The following CREBBP variants were observed in gnomAD, a reference collection of about 807,000 sequenced individuals.
CREBBP encodes the protein CREB-binding protein.
Under a neutral mutation model 265.0 loss-of-function variants are expected in CREBBP, and 19 were observed. That is an observed-to-expected ratio of 0.07 (90% confidence interval 0.05 to 0.11). The LOEUF is 0.11. Ranked by LOEUF, CREBBP falls within the 10% of genes least tolerant of loss-of-function variation. The pLI is 1.00. For missense variants in CREBBP, 2,525 were observed against 3,219.0 expected, an observed-to-expected ratio of 0.78 and a Z score of 5.22; for synonymous variants, 1,457 against 1,223.7, an observed-to-expected ratio of 1.19 and a Z score of -3.98.
chr16:3,784,837 C>T (rs1489968118), intron 5 of CREBBP, among the ~76,000 whole-genome samples: 2 of 152,232 alleles, frequency 1.3e-5, no homozygotes, highest in Non-Finnish European at 2.9e-5. Context: ...GCAGCCAACG[C>T]CTCATACTCA....
intron 2 of CREBBP, chr16:3,840,696 T>A (rs2054548911): frequency 6.3e-6 from 1 of 159,890 alleles, no homozygotes; most frequent in Non-Finnish European, 1.4e-5. Flanking sequence ...TCTTCCCCTC[T>A]ACCAGAAGGC....
At chr16:3,737,241 C>A (rs1323937250) in intron 26 of CREBBP, among the ~76,000 whole-genome samples, 1 of 136,836 alleles carries the variant, frequency 7.3e-6, no homozygotes, top group Non-Finnish European at 1.5e-5. Context: ...TGCCCCTATC[C>A]TTTTCAAGTT....
At chr16:3,776,844 C>G (rs1181390613) in intron 11 of CREBBP, among the ~76,000 whole-genome samples, 2 of 151,546 alleles carry the variant, frequency 1.3e-5, no homozygotes, top group Admixed American at 6.6e-5. Context: ...AACCCCATCT[C>G]TACTAAAAAA....
At chr16:3,844,004 C>T (rs964970002) in intron 2 of CREBBP, among the ~76,000 whole-genome samples, 2 of 150,078 alleles carry the variant, frequency 1.3e-5, no homozygotes, top group African/African-American at 2.4e-5. Flanking sequence ...AAAAATTAGC[C>T]GGGCGTAGTG....
At chr16:3,758,765 A>G in intron 17 of CREBBP, 89 bp downstream of exon 17, 1 of 997,480 alleles carries the variant, frequency 1.0e-6, no homozygotes, top group East Asian at 2.4e-5. Context: ...AGGCAGGGGG[A>G]TTATTTTATC....
At chr16:3,859,775 G>A (rs1446337312) in intron 1 of CREBBP, among the ~76,000 whole-genome samples, 1 of 152,228 alleles carries the variant, frequency 6.6e-6, no homozygotes, top group East Asian at 1.9e-4. Context: ...GGAGGTTCCT[G>A]AAGAGTGGCA....
chr16:3,833,361 G>A (rs957629178), intron 2 of CREBBP, among the ~76,000 whole-genome samples: 7 of 152,192 alleles, frequency 4.6e-5, no homozygotes, highest in African/African-American at 1.7e-4. Context: ...GCAGTGAGGC[G>A]AGATAGCACC....
Position 3,735,990 on chromosome 16 carries a change from C to A in CREBBP, c.4728+46G>T, listed in dbSNP as rs2052047582. On this transcript the variant is annotated intron_variant, in intron 28 of 30. Coordinates refer to ENST00000262367, the MANE Select transcript of CREBBP (RefSeq NM_004380.3). ...CGCCTCCCAGCCTGCCACCCTGCAGCTCCAGCGGGACACGTGGGCAATGGA... is the reference window on the plus strand; with the variant it reads ...CGCCTCCCAGCCTGCCACCCTGCAGATCCAGCGGGACACGTGGGCAATGGA... The A allele has an allele frequency of 1.2e-6, 2 of 1,614,016 alleles. 1 individual carries two copies. The highest frequency in any genetic ancestry group is 2.2e-5 in the South Asian group (2 of 91,070).
chr16:3,728,423 T>TGTTGCTGCTGC lies in CREBBP; in HGVS notation c.6623_6624insGCAGCAGCAAC (p.Gln2212HisfsTer94), dbSNP rs1555470937. The TGTTGCTGCTGC allele has an allele frequency of 1.2e-6, 2 of 1,612,422 alleles. No homozygotes were observed. The highest frequency in any genetic ancestry group is 2.7e-5 in the African/African-American group (2 of 74,802). On this transcript the variant is annotated frameshift_variant, in exon 31 of 31. Coordinates refer to ENST00000262367, the MANE Select transcript of CREBBP (RefSeq NM_004380.3). LOFTEE classifies it high-confidence loss of function. This position sits in a 1 kb window ranked among gnomAD's most constrained non-coding sequence, Gnocchi z 8.7. Reference sequence around the variant, plus strand: ...CTTGCTGCTGCTGCTGTTGCTGCTGTTGTTGCTGCTGCTGTTGCTGCTGCT... The same window carrying TGTTGCTGCTGC: ...CTTGCTGCTGCTGCTGTTGCTGCTGTGTTGCTGCTGCTGTTGCTGCTGCTGTTGCTGCTGCT...
chr16:3,734,581 T>C (rs1470075975), intron 28 of CREBBP, among the ~76,000 whole-genome samples: 1 of 152,090 alleles, frequency 6.6e-6, no homozygotes, highest in Non-Finnish European at 1.5e-5. Context: ...ACTCAAGCAT[T>C]AACTCACCAG....
chr16:3,858,327 A>T (rs1270130250), intron 1 of CREBBP, among the ~76,000 whole-genome samples: 4 of 152,194 alleles, frequency 2.6e-5, no homozygotes, highest in African/African-American at 9.7e-5. Context: ...GGTTTTCTAC[A>T]GCCTCCTCTT....
chr16:3,768,136 GTTTTTTTTTTTTTTTTTTTT>G (rs71133655), intron 15 of CREBBP, among the ~76,000 whole-genome samples: 2 of 51,590 alleles, frequency 3.9e-5, no homozygotes, highest in Non-Finnish European at 7.0e-5. Context: ...ATTTAAAAGT[GTTTTTTTTTTTTTTTTTTTT>G]TTTTTTTTTT....
intron 13 of CREBBP, among the ~76,000 whole-genome samples, chr16:3,771,441 T>C (rs1017224425): frequency 2.0e-5 from 3 of 152,198 alleles, no homozygotes; most frequent in African/African-American, 7.2e-5. Context: ...TATACACTTG[T>C]AATGGGCACT....
At chr16:3,858,830 A>T (rs758313668) in intron 1 of CREBBP, among the ~76,000 whole-genome samples, 4 of 152,244 alleles carry the variant, frequency 2.6e-5, no homozygotes, top group South Asian at 4.1e-4. Flanking sequence ...CTTTGGCTAC[A>T]AACTCAGCAT....
intron 5 of CREBBP, among the ~76,000 whole-genome samples, chr16:3,785,586 G>C (rs1281969116): frequency 1.3e-5 from 2 of 152,224 alleles, no homozygotes; most frequent in Non-Finnish European, 2.9e-5. Flanking sequence ...GCCAGCTATA[G>C]CGCAGCGGCC....
At chr16:3,732,067 G>A (rs894486641) in intron 28 of CREBBP, 130 bp from the exon 29 acceptor site, 25 of 1,540,182 alleles carry the variant, frequency 1.6e-5, no homozygotes, top group Middle Eastern at 2.2e-4. Flanking sequence ...GACCCCATAC[G>A]TGAACGGCTA....
In CREBBP at chr16:3,871,060, AGAAG is replaced by A. The variant is rs200428124; in HGVS notation, c.85+8768_85+8771del. On this transcript the variant is annotated intron_variant, in intron 1 of 30. Transcript: ENST00000262367. Reference sequence around the variant, plus strand: ...AAGGAAAAGAAAGAAAGAGAAAAAAAGAAGGAAGGAAGGAAGGAAAAGAGAAAGA... The same window carrying A: ...AAGGAAAAGAAAGAAAGAGAAAAAAAGAAGGAAGGAAGGAAAAGAGAAAGA... 4.6e-3 allele frequency among the ~76,000 whole-genome samples: 706 copies of A among 151,880 alleles called. 6 individuals are homozygous for A. The highest frequency in any genetic ancestry group is 0.016 in the African/African-American group (652 of 41,346).
rs765754292 is a variant in CREBBP, at chr16:3,850,613, A to C, written c.482T>G (p.Leu161Arg). Reference protein sequence around the residue: ...LNPQAQKQVGLATSSPATSQT... With the variant: ...LNPQAQKQVGRATSSPATSQT... ...TGACGTGGCAGGGCTGCTAGTCGCC[A>C]GCCCCACTTGCTTTTGTGCTTGCGG... is the stretch of plus-strand genomic sequence containing the variant. The change falls in exon 2 of 31, where the codon CTG becomes CGG. Residue 161 changes from leucine to arginine, a missense_variant. By Grantham distance (102) the Leu-to-Arg change is moderately radical. Around this residue, in one of 19 missense-constraint regions of CREBBP, gnomAD observed 356 missense variants for 340.4 expected, o/e 1.05. Coordinates refer to ENST00000262367, the MANE Select transcript of CREBBP (RefSeq NM_004380.3). 1 of 1,614,250 alleles carries C rather than the reference A, an allele frequency of 6.2e-7. No homozygotes were observed. The highest frequency in any genetic ancestry group is 1.1e-5 in the South Asian group (1 of 91,090).
chr16:3,769,483 G>T, intron 14 of CREBBP, 130 bp from the exon 15 acceptor site: 2 of 1,124,706 alleles, frequency 1.8e-6, no homozygotes, highest in Non-Finnish European at 2.6e-6. Flanking sequence ...GCCCTTCTGT[G>T]AAACCGAAGA....
Sources: gnomAD v4.1 joint callset for allele counts (sites outside exome capture counted in the v4.1 genomes callset) on GRCh38, gnomAD v4.1.1 for gene constraint, gnomAD v4.1.1 regional missense constraint, Gnocchi (gnomAD v3.1) non-coding constraint, MANE v1.5 for transcripts, NCBI Gene and HGNC (gene_info 2026-07-23, HGNC 2026-07-21) for gene names.